Variants in RAP1A observed in about 807,000 individuals in gnomAD.
The protein encoded by RAP1A is ras-related protein Rap-1A.
RAP1A carries 6 observed loss-of-function variants against 26.4 expected under a neutral mutation model. That is an observed-to-expected ratio of 0.23 (90% CI 0.12 to 0.45). RAP1A has a LOEUF of 0.45. RAP1A is among the 20% of genes least tolerant of loss of function. The pLI is 0.99. For missense variants in RAP1A, 121 were observed against 217.2 expected (o/e 0.56, Z 2.78); for synonymous variants, 73 against 79.4 (o/e 0.92, Z 0.43).
intron 6 of RAP1A, among the ~76,000 whole-genome samples, chr1:111,708,701 C>A (rs1662276710): frequency 6.6e-6 from 1 of 152,160 alleles, no homozygotes; most frequent in Admixed American, 6.5e-5. Flanking sequence ...TTCTTAGGAA[C>A]AACTTAACTG....
chr1:111,668,695 CA>C (rs1660875012), intron 1 of RAP1A, among the ~76,000 whole-genome samples: 2 of 152,154 alleles, frequency 1.3e-5, no homozygotes, highest in Admixed American at 1.3e-4. Context: ...TGAGAAGTTA[CA>C]AATAGCTTTT....
At chr1:111,636,198 A>G (rs1659724728) in intron 1 of RAP1A, among the ~76,000 whole-genome samples, 1 of 152,112 alleles carries the variant, frequency 6.6e-6, no homozygotes, top group African/African-American at 2.4e-5. Context: ...TTATTACCCA[A>G]CAGTGACGTG....
chr1:111,622,945 A>C (rs922683889), intron 1 of RAP1A, among the ~76,000 whole-genome samples: 7 of 152,148 alleles, frequency 4.6e-5, no homozygotes, highest in African/African-American at 1.7e-4. Context: ...ATGATATTTT[A>C]TATAAAATAG....
chr1:111,557,314 C>T (rs973173619), intron 1 of RAP1A, among the ~76,000 whole-genome samples: 1 of 152,002 alleles, frequency 6.6e-6, no homozygotes, highest in Admixed American at 6.6e-5. Context: ...TTTGGGAGTC[C>T]GAGACAGGCA....
chr1:111,695,281 A>T, intron 2 of RAP1A, 60 bp from the exon 3 acceptor site: 1 of 1,244,390 alleles, frequency 8.0e-7, no homozygotes, highest in Non-Finnish European at 1.1e-6. Context: ...TTGTAGGTTA[A>T]GTAACATTCA....
intron 1 of RAP1A, among the ~76,000 whole-genome samples, chr1:111,647,145 G>T (rs1055896982): frequency 2.6e-5 from 4 of 152,050 alleles, no homozygotes; most frequent in African/African-American, 4.8e-5. Context: ...CCTGAGCCCC[G>T]CCTCTTATCA....
chr1:111,589,969 C>A (rs1658439281), intron 1 of RAP1A, among the ~76,000 whole-genome samples: 1 of 152,068 alleles, frequency 6.6e-6, no homozygotes, highest in Admixed American at 6.6e-5. Flanking sequence ...GAGGTTTTGC[C>A]ATGTTGCGCA....
chr1:111,698,465 C>T (rs540525890), intron 4 of RAP1A, among the ~76,000 whole-genome samples: 203 of 152,156 alleles, frequency 1.3e-3, no homozygotes, highest in Middle Eastern at 0.01. Context: ...GAGGTGGTTT[C>T]GCTGTGTTGC....
chr1:111,554,001 C>T (rs968114864), intron 1 of RAP1A, among the ~76,000 whole-genome samples: 1 of 152,238 alleles, frequency 6.6e-6, no homozygotes, highest in African/African-American at 2.4e-5. Context: ...GGAGTGCAGG[C>T]ACAAAGCAGA....
intron 1 of RAP1A, among the ~76,000 whole-genome samples, chr1:111,590,319 T>C (rs1231232586): frequency 1.3e-5 from 2 of 152,182 alleles, no homozygotes; most frequent in African/African-American, 2.4e-5. Flanking sequence ...ATAGAGGTAG[T>C]GATGGTGGAC....
chr1:111,611,592 A>G (rs1406160990), intron 1 of RAP1A, among the ~76,000 whole-genome samples: 2 of 152,212 alleles, frequency 1.3e-5, no homozygotes, highest in African/African-American at 4.8e-5. Context: ...TAAATTTTTA[A>G]ATGTATTATT....
intron 1 of RAP1A, among the ~76,000 whole-genome samples, chr1:111,569,438 G>C (rs1353253062): frequency 6.6e-6 from 1 of 151,702 alleles, no homozygotes; most frequent in Non-Finnish European, 1.5e-5. Context: ...GACCGTGCCA[G>C]GGGTCAGCAC....
rs148718386 is a variant in RAP1A, at chr1:111,603,987, T to C, written c.-28+61478T>C. Among the ~76,000 whole-genome samples, 663 of 152,114 alleles carry C rather than the reference T, an allele frequency of 4.4e-3. 5 individuals are homozygous for C. The highest frequency in any genetic ancestry group is 0.015 in the African/African-American group (614 of 41,470). On this transcript the variant is annotated intron_variant, in intron 1 of 7. Transcript: ENST00000356415. ...TGCCTCTCTGCTTAAACTTCAAGAG[T>C]ATAAAAGGAAAAGTTTGCAAAGATC...
intron 1 of RAP1A, among the ~76,000 whole-genome samples, chr1:111,655,026 C>A (rs1385175472): frequency 6.6e-6 from 1 of 151,662 alleles, no homozygotes; most frequent in Admixed American, 6.6e-5. Context: ...GAGTGAGACC[C>A]TGTCTGAAAA....
At chr1:111,603,644 C>T (rs959568568) in intron 1 of RAP1A, among the ~76,000 whole-genome samples, 6 of 152,178 alleles carry the variant, frequency 3.9e-5, no homozygotes, top group Non-Finnish European at 7.3e-5. Context: ...TTCCCAAGTT[C>T]GGGGCATGAC....
chr1:111,653,175 T>G (rs1660330141), intron 1 of RAP1A, among the ~76,000 whole-genome samples: 1 of 152,198 alleles, frequency 6.6e-6, no homozygotes, highest in Non-Finnish European at 1.5e-5. Context: ...AGTTGTATGA[T>G]TCCATCTATG....
rs578004 is a variant in RAP1A at position 111,613,268 on chromosome 1, C to T, written c.-28+70759C>T. Among the ~76,000 whole-genome samples the T allele has an allele frequency of 6.7e-3, 1,018 of 151,630 alleles. 13 individuals are homozygous for T. The highest frequency in any genetic ancestry group is 0.023 in the African/African-American group (961 of 41,300). On this transcript the variant is annotated intron_variant, in intron 1 of 7. Transcript: ENST00000356415. ...AGGCTGGAGTGCAGTGGCACTATCT[C>T]GGCCCACTGCAAGCTCCGCCTCCCA...
chr1:111,642,919 G>A (rs1557875496), intron 1 of RAP1A, among the ~76,000 whole-genome samples: 1 of 151,620 alleles, frequency 6.6e-6, no homozygotes, highest in Non-Finnish European at 1.5e-5. Context: ...ACAGGTGTGC[G>A]CCACCACACC....
intron 1 of RAP1A, among the ~76,000 whole-genome samples, chr1:111,551,384 A>G (rs1657253259): frequency 6.6e-6 from 1 of 152,058 alleles, no homozygotes; most frequent in African/African-American, 2.4e-5. Flanking sequence ...TAATTCCTTT[A>G]CCATTTCTTT....
Sources: gnomAD v4.1 joint callset for allele counts (sites outside exome capture counted in the v4.1 genomes callset) on GRCh38, gnomAD v4.1.1 for gene constraint, MANE v1.5 for transcripts, NCBI Gene and HGNC (gene_info 2026-07-23, HGNC 2026-07-21) for gene names.